The following TAF15 variants were observed in gnomAD, a reference collection of about 807,000 sequenced individuals.
TAF15 encodes the protein TATA-binding protein-associated factor 2N.
A neutral mutation model predicts 102.5 loss-of-function variants in TAF15; 37 were observed. The ratio of observed to expected loss-of-function variants is 0.36; its 90% CI spans 0.28 to 0.47. TAF15 has a LOEUF of 0.47. Ranked by LOEUF, TAF15 falls within the 20% of genes least tolerant of loss-of-function variation. The probability of loss-of-function intolerance (pLI) is 0.99; values close to 1 mark genes in which losing one functional copy is unlikely to be tolerated. For missense variants in TAF15, 652 were observed against 760.7 expected (o/e 0.86, Z 1.68); for synonymous variants, 273 against 259.2 (o/e 1.05, Z -0.51).
At chr17:35,831,779 TG>T (rs2087409399) in intron 7 of TAF15, among the ~76,000 whole-genome samples, 1 of 152,128 alleles carries the variant, frequency 6.6e-6, no homozygotes, top group Non-Finnish European at 1.5e-5. Flanking sequence ...TATCACTTTT[TG>T]GAGTTAAAAA....
chr17:35,817,837 G>T, intron 2 of TAF15, 82 bp downstream of exon 2: 5 of 1,207,648 alleles, frequency 4.1e-6, no homozygotes, highest in Non-Finnish European at 6.2e-6. Context: ...GAGACTTGAT[G>T]CTGGATGTCA....
At chr17:35,829,631 CAAAA>C (rs746776421) in intron 7 of TAF15, among the ~76,000 whole-genome samples, 24 of 33,106 alleles carry the variant, frequency 7.2e-4, no homozygotes, top group South Asian at 1.2e-3. Context: ...GACTCCATCT[CAAAA>C]AAAAAAAAAA....
chr17:35,810,264 T>C (rs912968321), intron 1 of TAF15: 1 of 156,330 alleles, frequency 6.4e-6, no homozygotes, highest in Non-Finnish European at 1.4e-5. Flanking sequence ...GAGCCTTGTC[T>C]ATCTATTATT....
At chr17:35,824,349 AG>A in intron 7 of TAF15, 151 bp downstream of exon 7, 1 of 1,081,756 alleles carries the variant, frequency 9.2e-7, no homozygotes, top group Non-Finnish European at 1.3e-6. Flanking sequence ...AGAAATTAAA[AG>A]TGTATTTTCA....
chr17:35,811,218 CGAA>C (rs2087120883), intron 1 of TAF15: 1 of 152,122 alleles, frequency 6.6e-6, no homozygotes, highest in African/African-American at 2.4e-5. Flanking sequence ...TGTGGAAAGT[CGAA>C]GTTTTAGTGG....
At chr17:35,813,050 C>T (rs2087144963) in intron 1 of TAF15, among the ~76,000 whole-genome samples, 1 of 142,598 alleles carries the variant, frequency 7.0e-6, no homozygotes, top group Admixed American at 7.4e-5. Flanking sequence ...TTGGTTGAAG[C>T]TAGGAGGCAG....
At chr17:35,814,852 CAA>C (rs34986258) in intron 1 of TAF15, among the ~76,000 whole-genome samples, 1 of 124,362 alleles carries the variant, frequency 8.0e-6, no homozygotes, top group African/African-American at 3.1e-5. Flanking sequence ...GACTCTGTCT[CAA>C]AAAAAAAAAG....
chr17:35,846,861 G>A (rs757633952), intron 15 of TAF15, 45 bp from the exon 16 acceptor site: 49 of 1,611,396 alleles, frequency 3.0e-5, no homozygotes, highest in East Asian at 2.2e-4. Context: ...CTCCCCCTTC[G>A]TAGAAAATTA....
chr17:35,836,045 T>C (rs1159829096), intron 9 of TAF15, 87 bp from the exon 10 acceptor site: 1 of 923,228 alleles, frequency 1.1e-6, no homozygotes, highest in African/African-American at 1.6e-5. Context: ...AATTGAATAT[T>C]GGACAATAAA....
intron 10 of TAF15, among the ~76,000 whole-genome samples, chr17:35,838,150 C>G (rs902226043): frequency 1.3e-5 from 2 of 152,052 alleles, no homozygotes; most frequent in Non-Finnish European, 2.9e-5. Flanking sequence ...CCACTGCATT[C>G]CAACCTGGGT....
chr17:35,824,406 A>T (rs190458562), intron 7 of TAF15: 176 of 638,510 alleles, frequency 2.8e-4, no homozygotes, highest in Middle Eastern at 4.4e-4. Flanking sequence ...CTATGTTAGT[A>T]GTTAGTTTAT....
intron 15 of TAF15, 51 bp downstream of exon 15, chr17:35,845,089 T>G: frequency 6.2e-7 from 1 of 1,608,942 alleles, no homozygotes; most frequent in Non-Finnish European, 8.5e-7. Flanking sequence ...GCACCTAGAT[T>G]GGGGGATTTG....
At chr17:35,814,866 G>A (rs1318972686) in intron 1 of TAF15, among the ~76,000 whole-genome samples, 1 of 150,662 alleles carries the variant, frequency 6.6e-6, no homozygotes, top group Non-Finnish European at 1.5e-5. Context: ...AAAAAAAAGT[G>A]TGTGTGTATA....
chr17:35,843,639 CTT>C (rs1161712867), intron 12 of TAF15, among the ~76,000 whole-genome samples: 2 of 152,188 alleles, frequency 1.3e-5, no homozygotes, highest in Non-Finnish European at 2.9e-5. Context: ...GAATCCAAAA[CTT>C]TGAGCACCGA....
In TAF15 at chr17:35,814,230, A is replaced by G. The variant is rs575059471; in HGVS notation, c.8-3486A>G. Among the ~76,000 whole-genome samples, 4 of 151,960 alleles carry G rather than the reference A, an allele frequency of 2.6e-5. No individual in the cohort carries two copies. In the South Asian group the frequency reaches 6.3e-4, roughly 24 times the overall value. ...GCCCAGGCTGGAGTGCAGTGGCGCAATCTCGGCTCACTGCAAGCTCCGCCT... is the reference window on the plus strand; with the variant it reads ...GCCCAGGCTGGAGTGCAGTGGCGCAGTCTCGGCTCACTGCAAGCTCCGCCT... On this transcript the variant is annotated intron_variant, in intron 1 of 15. Transcript: ENST00000605844.
chr17:35,842,232 C>CTCTT, intron 11 of TAF15, 135 bp from the exon 12 acceptor site: 1 of 702,320 alleles, frequency 1.4e-6, no homozygotes. Flanking sequence ...GTTATCTTGA[C>CTCTT]TCTTTGCATT....
chr17:35,812,286 T>C (rs2087133365), intron 1 of TAF15, among the ~76,000 whole-genome samples: 1 of 152,114 alleles, frequency 6.6e-6, no homozygotes, highest in Non-Finnish European at 1.5e-5. Flanking sequence ...GGTAATACCC[T>C]TGGTGTTTCT....
intron 11 of TAF15, among the ~76,000 whole-genome samples, chr17:35,839,836 T>C (rs962190416): frequency 6.6e-6 from 1 of 152,160 alleles, no homozygotes; most frequent in African/African-American, 2.4e-5. Context: ...TGTCTTACGG[T>C]ATTTTTCATT....
intron 1 of TAF15, chr17:35,811,032 T>C (rs2087118656): frequency 6.6e-6 from 1 of 152,240 alleles, no homozygotes. Flanking sequence ...TAAAGCTCCT[T>C]AGAAGTTCTT....
Sources: gnomAD v4.1 joint callset for allele counts (sites outside exome capture counted in the v4.1 genomes callset) on GRCh38, gnomAD v4.1.1 for gene constraint, MANE v1.5 for transcripts, NCBI Gene and HGNC (gene_info 2026-07-23, HGNC 2026-07-21) for gene names.